The following USH2A variants were observed in gnomAD, a reference collection of about 807,000 sequenced individuals.
USH2A encodes the protein Usher syndrome 2A (autosomal recessive, mild).
Under a neutral mutation model 538.9 loss-of-function variants are expected in USH2A, and 443 were observed. The ratio of observed to expected loss-of-function variants is 0.82; its 90% confidence interval spans 0.76 to 0.89. The LOEUF (loss-of-function observed/expected upper bound fraction) is 0.89. USH2A is among the 40% of genes least tolerant of loss of function. The pLI is 0.00. For synonymous variants in USH2A, 2,413 were observed against 2,273.5 expected (o/e 1.06, Z -1.75); for missense variants, 6,633 against 6,324.8 (o/e 1.05, Z -1.65).
chr1:215,679,559 G>A (rs1365737236), intron 62 of USH2A, among the ~76,000 whole-genome samples: 1 of 152,216 alleles, frequency 6.6e-6, no homozygotes, highest in Non-Finnish European at 1.5e-5. Context: ...ACATCAAAAT[G>A]CAGGCTATTC....
intron 56 of USH2A, among the ~76,000 whole-genome samples, chr1:215,762,897 C>T (rs1005531188): frequency 2.6e-5 from 4 of 152,162 alleles, no homozygotes; most frequent in Non-Finnish European, 5.9e-5. Flanking sequence ...GGCCTTTTTA[C>T]ACAGTGACAA....
chr1:215,642,802 TG>T (rs1656730313), intron 67 of USH2A, among the ~76,000 whole-genome samples: 1 of 152,020 alleles, frequency 6.6e-6, no homozygotes, highest in Non-Finnish European at 1.5e-5. Flanking sequence ...CCATGGAAAC[TG>T]ATAAGCACTT....
intron 50 of USH2A, among the ~76,000 whole-genome samples, chr1:215,797,087 A>G (rs1473717232): frequency 6.6e-6 from 1 of 152,166 alleles, no homozygotes; most frequent in South Asian, 2.1e-4. Context: ...ATATGAAGAC[A>G]CTTTGAGTGG....
In USH2A at chr1:215,867,159, T is replaced by C. The variant is rs1553270997; in HGVS notation, c.8693A>G (p.Tyr2898Cys). The change falls in exon 44 of 72, where the codon TAT (tyrosine) becomes TGT (cysteine). Residue 2898 changes from tyrosine (Y) to cysteine (C), a missense_variant. Physicochemically the swap from Tyr to Cys is radical, Grantham distance 194. Transcript: ENST00000307340. ...GTTGTGTACGAAGAGCATATATTCA[T>C]AGGTTGTAAACCTAAAATGTTGTTT... ...EDKGLSRFTT[Y>C]EYMLFVHNSV... 2.5e-6 allele frequency: 4 copies of C among 1,614,036 alleles called. No homozygotes were observed. Among genetic ancestry groups the C allele is most frequent in the East Asian group, 2.2e-5 (1 of 44,880 alleles).
rs557281992 is a variant in USH2A, at chr1:215,699,688, A to G, written c.12067-19312T>C. ...TTTGTATCCTGAGAATTTGCTTATC[A>G]GCTTAAGGCATTTTTGGGCTAAGAT... On this transcript the variant is annotated intron_variant, in intron 61 of 71. Transcript: ENST00000307340. Among the ~76,000 whole-genome samples, 12 of 152,050 alleles carry G rather than the reference A, an allele frequency of 7.9e-5. No homozygotes were observed. In the East Asian group the frequency reaches 1.7e-3, roughly 22 times the overall value.
At chr1:216,408,074 AACC>A (rs1240024772) in intron 3 of USH2A, among the ~76,000 whole-genome samples, 1 of 152,178 alleles carries the variant, frequency 6.6e-6, no homozygotes, top group Non-Finnish European at 1.5e-5. Flanking sequence ...TTGGCTGAGA[AACC>A]ACCATTTTCT....
chr1:215,918,545 T>C (rs1015399120), intron 38 of USH2A, among the ~76,000 whole-genome samples: 2 of 152,124 alleles, frequency 1.3e-5, no homozygotes, highest in Admixed American at 1.3e-4. Context: ...CTGTGTGAAA[T>C]ACTTTTCTGT....
Position 216,217,487 on chromosome 1 carries a change from G to A in USH2A, c.3057C>T (p.Gly1019=), listed in dbSNP as rs1281801065. 6.2e-7 allele frequency: 1 copy of A among 1,613,246 alleles called. No individual in the cohort carries two copies. Among genetic ancestry groups the A allele is most frequent in the Admixed American group, 1.7e-5 (1 of 59,928 alleles). ...TGACAAATTGTTTACAGAAACACTG[G>A]CCTGTGACCAAGTGACAGGTTTCAT... The part of the protein sequence containing the change: ...ALNETCHLVT[G]QCFCKQFVTG... Residue 1019 remains glycine (G), a synonymous_variant, in exon 15 of 72, where the codon GGC becomes GGT. Coordinates refer to ENST00000307340, the MANE Select transcript of USH2A (RefSeq NM_206933.4).
intron 4 of USH2A, among the ~76,000 whole-genome samples, chr1:216,357,570 G>A (rs984826470): frequency 3.9e-5 from 6 of 152,102 alleles, no homozygotes; most frequent in African/African-American, 7.2e-5. Context: ...AGCTTTAGAC[G>A]ATGATCCTTT....
intron 11 of USH2A, among the ~76,000 whole-genome samples, chr1:216,267,964 C>T (rs1370296890): frequency 2.6e-5 from 4 of 152,026 alleles, no homozygotes; most frequent in Non-Finnish European, 5.9e-5. Flanking sequence ...TATCCACAAC[C>T]CTTTTGAACA....
In USH2A at chr1:216,097,124, G is replaced by A. The variant is rs2032459214; in HGVS notation, c.4717C>T (p.Gln1573Ter). Residue 1573 changes from glutamine to a stop codon, truncating the protein, a stop_gained, in exon 22 of 72, where the codon CAG (glutamine) becomes TAG (stop). Coordinates refer to ENST00000307340, the MANE Select transcript of USH2A (RefSeq NM_206933.4). LOFTEE classifies it high-confidence loss of function. ...AAATAAAGACGTCCCTTCTTCAACT[G>A]AAGTGCAAAATACTCTTCCTGATTG... ...PGNQEEYFAL[Q>*]LKKGRLYFLF... 1.2e-6 allele frequency: 2 copies of A among 1,613,976 alleles called. No individual in the cohort carries two copies. The highest frequency in any genetic ancestry group is 1.3e-5 in the African/African-American group (1 of 74,924).
At chr1:216,218,719 A>T (rs2102498304) in intron 14 of USH2A, among the ~76,000 whole-genome samples, 1 of 152,178 alleles carries the variant, frequency 6.6e-6, no homozygotes, top group South Asian at 2.1e-4. Flanking sequence ...TATGGTCATG[A>T]TAAAAGGACA....
At position 216,183,590 on chromosome 1, in the gene USH2A, C is replaced by T. The variant is rs74619558; in HGVS notation, c.4396+6633G>A. Among the ~76,000 whole-genome samples the T allele has an allele frequency of 6.3e-3, 955 of 151,954 alleles. 6 individuals carry two copies. Among genetic ancestry groups the T allele is most frequent in the Non-Finnish European group, 9.3e-3 (632 of 67,952 alleles). On this transcript the variant is annotated intron_variant, in intron 20 of 71. Coordinates refer to ENST00000307340, the MANE Select transcript of USH2A (RefSeq NM_206933.4). ...GTTGAATGGCTGAGTGATTCATGCCCGTCACATTCTAGTATATCAATTAAA... is the reference window on the plus strand; with the variant it reads ...GTTGAATGGCTGAGTGATTCATGCCTGTCACATTCTAGTATATCAATTAAA...
chr1:215,671,477 G>A (rs1349564802), intron 63 of USH2A, among the ~76,000 whole-genome samples, 184 bp from the exon 64 acceptor site: 4 of 152,012 alleles, frequency 2.6e-5, no homozygotes, highest in African/African-American at 4.8e-5. Flanking sequence ...GCAGTGAGCC[G>A]AGATTGCGCC....
chr1:215,735,129 A>G (rs1444067273), intron 60 of USH2A, among the ~76,000 whole-genome samples: 1 of 152,204 alleles, frequency 6.6e-6, no homozygotes, highest in Non-Finnish European at 1.5e-5. Context: ...AACCAACTTA[A>G]TTTCATGTTT....
intron 35 of USH2A, among the ~76,000 whole-genome samples, chr1:215,986,802 G>A (rs972136261): frequency 6.6e-6 from 1 of 152,112 alleles, no homozygotes; most frequent in Admixed American, 6.6e-5. Context: ...TTTTGGTATT[G>A]TCCCTATCAT....
chr1:215,687,234 A>G (rs1390379791), intron 61 of USH2A, among the ~76,000 whole-genome samples: 2 of 152,142 alleles, frequency 1.3e-5, no homozygotes, highest in Admixed American at 6.5e-5. Context: ...GACAATTGTT[A>G]TAACAATTGT....
At chr1:215,642,509 T>C (rs1489325917) in intron 67 of USH2A, among the ~76,000 whole-genome samples, 1 of 152,196 alleles carries the variant, frequency 6.6e-6, no homozygotes, top group Non-Finnish European at 1.5e-5. Context: ...CTGTTAAATA[T>C]TCAGGAATTT....
Position 215,896,599 on chromosome 1 carries a change from C to T in USH2A, c.7594+3476G>A, listed in dbSNP as rs1270986538. 2.0e-5 allele frequency among the ~76,000 whole-genome samples: 3 copies of T among 152,208 alleles called. No individual in the cohort carries two copies. The East Asian group carries it at 5.8e-4, about 29-fold the overall frequency. On this transcript the variant is annotated intron_variant, in intron 40 of 71. Transcript: ENST00000307340. ...TAAGCTGAGGTTTGAAAAACTTGCC[C>T]TCCCTGCCAACTCTAATTTCTACAT... is the stretch of plus-strand genomic sequence containing the variant.
Sources: gnomAD v4.1 joint callset for allele counts (sites outside exome capture counted in the v4.1 genomes callset) on GRCh38, gnomAD v4.1.1 for gene constraint, MANE v1.5 for transcripts, NCBI Gene and HGNC (gene_info 2026-07-23, HGNC 2026-07-21) for gene names.